ARHGEF12: variants seen among roughly 807,000 people sequenced by gnomAD.
The protein encoded by ARHGEF12 is Rho guanine nucleotide exchange factor 12, also known as KMT2A/ARHGEF12 fusion protein.
In ARHGEF12, 66 loss-of-function variants were observed where a neutral mutation model predicts 211.2. The ratio of observed to expected loss-of-function variants is 0.31; its 90% CI spans 0.26 to 0.38. The LOEUF is 0.38. Ranked by LOEUF, ARHGEF12 falls within the 10% of genes least tolerant of loss-of-function variation. The pLI is 1.00. For synonymous variants in ARHGEF12, 592 were observed against 638.4 expected (o/e 0.93, Z 1.09); for missense variants, 1,429 against 1,869.5 (o/e 0.76, Z 4.34).
At chr11:120,420,404 G>A (rs888877407) in intron 4 of ARHGEF12, among the ~76,000 whole-genome samples, 1 of 152,204 alleles carries the variant, frequency 6.6e-6, no homozygotes, top group African/African-American at 2.4e-5. Context: ...AGGGCAGTGG[G>A]GCAGGGGGAG....
chr11:120,478,482 T>C lies in ARHGEF12; in HGVS notation c.3766+93T>C, dbSNP rs538122701. The C allele has an allele frequency of 2.8e-5, 32 of 1,130,650 alleles. No homozygotes were observed. In the African/African-American group the frequency reaches 4.2e-4, roughly 15 times the overall value. The allele number at this position is 1,130,650 out of a possible 1,614,324, so 70.0% of individuals were successfully genotyped here. ...ATGTGGATTTATCAAACTCCACTTA[T>C]TCTTCTAGTTCTATTGTGGAGATTA... On this transcript the variant is annotated intron_variant, in intron 37 of 40. Coordinates refer to ENST00000397843, the MANE Select transcript of ARHGEF12 (RefSeq NM_015313.3).
intron 1 of ARHGEF12, among the ~76,000 whole-genome samples, chr11:120,363,630 G>A (rs985695506): frequency 6.6e-6 from 1 of 152,332 alleles, no homozygotes; most frequent in East Asian, 1.9e-4. Flanking sequence ...AGTATTTTAA[G>A]TATGGAAAAC....
At chr11:120,343,265 A>C (rs1942590563) in intron 1 of ARHGEF12, among the ~76,000 whole-genome samples, 1 of 152,188 alleles carries the variant, frequency 6.6e-6, no homozygotes, top group East Asian at 1.9e-4. Context: ...AATTATTGAG[A>C]TAGATGTCCT....
intron 27 of ARHGEF12, among the ~76,000 whole-genome samples, chr11:120,461,450 C>T (rs1007676211): frequency 1.3e-5 from 2 of 151,820 alleles, no homozygotes; most frequent in Admixed American, 1.3e-4. Context: ...ATGCTGTCAT[C>T]TAGGCTTTGT....
At chr11:120,368,490 G>A (rs1340089368) in intron 1 of ARHGEF12, among the ~76,000 whole-genome samples, 20 of 152,074 alleles carry the variant, frequency 1.3e-4, no homozygotes, top group Non-Finnish European at 2.9e-4. Flanking sequence ...TTATTACCTG[G>A]TATGTTCTGA....
chr11:120,447,796 G>A lies in ARHGEF12; in HGVS notation c.1590-78G>A, dbSNP rs1591604278. 2.1e-5 allele frequency: 21 copies of A among 999,944 alleles called. 1 individual carries two copies. In the South Asian group the frequency reaches 3.1e-4, roughly 15 times the overall value. 61.9% of individuals were successfully genotyped at this position (999,944 alleles called of 1,614,324 possible). A position where few individuals can be genotyped will look rare whatever the true frequency, so the allele number is the denominator to read the frequency against. On this transcript the variant is annotated intron_variant, in intron 18 of 40. Transcript: ENST00000397843. ...ATGCCATTGCACTCCAGCCTGGGTG[G>A]CAGAGTGAGACTCTGTCTCAAAAAA...
chr11:120,475,492 C>T lies in ARHGEF12; in HGVS notation c.3262C>T (p.Arg1088Ter), dbSNP rs781231580. ...PVIKLSTVLV[R>*]QVATDNKALF... ...CATTAAGTTGAGTACAGTGTTGGTTCGACAAGTGGCAACAGGCAAGTATGT... is the reference window on the plus strand; with the variant it reads ...CATTAAGTTGAGTACAGTGTTGGTTTGACAAGTGGCAACAGGCAAGTATGT... Residue 1088 changes from arginine to a stop codon, truncating the protein, a stop_gained, in exon 33 of 41, where the codon CGA (arginine) becomes TGA (stop). Coordinates refer to ENST00000397843, the MANE Select transcript of ARHGEF12 (RefSeq NM_015313.3). LOFTEE classifies it high-confidence loss of function. 1.2e-6 allele frequency: 2 copies of T among 1,613,336 alleles called. No homozygotes were observed. The highest frequency in any genetic ancestry group is 1.7e-5 in the Admixed American group (1 of 59,896).
intron 7 of ARHGEF12, 142 bp downstream of exon 7, chr11:120,424,557 T>C: frequency 1.7e-6 from 1 of 588,130 alleles, no homozygotes; most frequent in Non-Finnish European, 2.9e-6. Flanking sequence ...CATTGTATCA[T>C]GAAAGCAGCC....
intron 4 of ARHGEF12, among the ~76,000 whole-genome samples, chr11:120,418,761 T>C (rs776150744): frequency 2.2e-4 from 34 of 152,298 alleles, no homozygotes; most frequent in Non-Finnish European, 4.4e-4. Context: ...TAATTTGTAT[T>C]TTCCTGACGA....
At chr11:120,354,967 T>C (rs892608145) in intron 1 of ARHGEF12, among the ~76,000 whole-genome samples, 12 of 152,202 alleles carry the variant, frequency 7.9e-5, no homozygotes, top group African/African-American at 2.9e-4. Flanking sequence ...AAAGGTCTGT[T>C]AGTTTTGCAT....
chr11:120,454,960 C>T (rs1403156181), intron 22 of ARHGEF12, among the ~76,000 whole-genome samples: 1 of 152,098 alleles, frequency 6.6e-6, no homozygotes, highest in African/African-American at 2.4e-5. Flanking sequence ...TTAGGCTCCA[C>T]CCCTGAGGGG....
chr11:120,486,257 G>C lies in ARHGEF12; in HGVS notation c.*1180G>C, dbSNP rs1233114962. The C allele has an allele frequency of 1.7e-5, 4 of 233,358 alleles. No individual in the cohort carries two copies. The highest frequency in any genetic ancestry group is 8.8e-5 in the African/African-American group (4 of 45,336). The allele number at this position is 233,358 out of a possible 1,614,324, so 14.5% of individuals were successfully genotyped here. A position where few individuals can be genotyped will look rare whatever the true frequency, so the allele number is the denominator to read the frequency against. ...CACTGATGGTGCCAAAGGGCCCTGA[G>C]TCAAAAGGATAGCCAAGGGTGGAGT... On this transcript the variant is annotated 3_prime_UTR_variant, in exon 41 of 41. Coordinates refer to ENST00000397843, the MANE Select transcript of ARHGEF12 (RefSeq NM_015313.3).
intron 18 of ARHGEF12, 73 bp from the exon 19 acceptor site, chr11:120,447,801 G>A: frequency 9.2e-7 from 1 of 1,088,524 alleles, no homozygotes; most frequent in South Asian, 1.5e-5. Flanking sequence ...GGGTGGCAGA[G>A]TGAGACTCTG....
intron 6 of ARHGEF12, among the ~76,000 whole-genome samples, chr11:120,422,711 A>C (rs1302332001): frequency 6.6e-6 from 1 of 152,228 alleles, no homozygotes; most frequent in Non-Finnish European, 1.5e-5. Flanking sequence ...GTAGTGGTAG[A>C]TGTCTATCTG....
intron 1 of ARHGEF12, among the ~76,000 whole-genome samples, chr11:120,345,306 A>G (rs1942670369): frequency 6.6e-6 from 1 of 152,226 alleles, no homozygotes; most frequent in Non-Finnish European, 1.5e-5. Context: ...GCATACTAAA[A>G]TAATGAAATT....
At chr11:120,481,683 A>C (rs1466096497) in intron 39 of ARHGEF12, 107 bp downstream of exon 39, 1 of 1,123,788 alleles carries the variant, frequency 8.9e-7, no homozygotes, top group African/African-American at 1.5e-5. Context: ...TTCAGGTTCT[A>C]GATTTCTTTG....
Position 120,390,013 on chromosome 11 carries a change from T to G in ARHGEF12, c.33-16105T>G, listed in dbSNP as rs187095656. On this transcript the variant is annotated intron_variant, in intron 1 of 40. Transcript: ENST00000397843. ...TGGGAGTGCAGATAACCCTTCGATA[T>G]CCAGGAGTGTCCTAAATCTAAGGAT... Among the ~76,000 whole-genome samples, 55 of 152,342 alleles carry G rather than the reference T, an allele frequency of 3.6e-4. No homozygotes were observed. The East Asian group carries it at 0.01, about 28-fold the overall frequency.
Position 120,485,409 on chromosome 11 carries a change from C to T in ARHGEF12, c.*332C>T, listed in dbSNP as rs117457443. 90 of 278,076 alleles carry T rather than the reference C, an allele frequency of 3.2e-4. 1 individual carries two copies. The highest frequency in any genetic ancestry group is 2.1e-3 in the South Asian group (15 of 7,060). 17.2% of individuals were successfully genotyped at this position (278,076 alleles called of 1,614,324 possible). A position where few individuals can be genotyped will look rare whatever the true frequency, so the allele number is the denominator to read the frequency against. On this transcript the variant is annotated 3_prime_UTR_variant, in exon 41 of 41. Coordinates refer to ENST00000397843, the MANE Select transcript of ARHGEF12 (RefSeq NM_015313.3). ...CTTAGATTTAAGAAAAAGAGAAAAT[C>T]AGATGTATTTATTTGACTTCATTCC...
At chr11:120,477,158 T>C in intron 34 of ARHGEF12, 61 bp from the exon 35 acceptor site, 1 of 1,362,324 alleles carries the variant, frequency 7.3e-7, no homozygotes, top group South Asian at 1.3e-5. Flanking sequence ...TTTCTGAGTA[T>C]ATTTAAAGGA....
Sources: allele counts gnomAD v4.1 joint callset (sites outside exome capture counted in the v4.1 genomes callset), GRCh38; gene constraint gnomAD v4.1.1; transcripts MANE v1.5; gene names NCBI Gene and HGNC (gene_info 2026-07-23, HGNC 2026-07-21).